Variants in C16orf74 observed in about 807,000 individuals in gnomAD.
C16orf74 encodes uncharacterized protein C16orf74.
C16orf74 carries 10 observed loss-of-function variants against 6.5 expected under a neutral mutation model. That is an observed-to-expected ratio of 1.54 (90% CI 0.95 to 2.61). The LOEUF (loss-of-function observed/expected upper bound fraction) is 2.61. Ranked by LOEUF, C16orf74 falls within the 30% of genes most tolerant of loss-of-function variation. The pLI is 0.00. For missense variants in C16orf74, 141 were observed against 105.9 expected, an observed-to-expected ratio of 1.33 and a Z score of -1.45; for synonymous variants, 60 against 42.5, an observed-to-expected ratio of 1.41 and a Z score of -1.60.
rs114353038 is a variant in C16orf74 at position 85,724,433 on chromosome 16, G to T, written c.28+10757C>A. ...TGGGTTGTGTTCCTGAGGCCCCTAG[G>T]GATCCAGCTCGGCCATACTCTGGCT... is the stretch of plus-strand genomic sequence containing the variant. On this transcript the variant is annotated intron_variant, in intron 2 of 3. Transcript: ENST00000284245. Among the ~76,000 whole-genome samples, 1,388 of 152,312 alleles carry T rather than the reference G, an allele frequency of 9.1e-3. 20 individuals are homozygous for T. Among genetic ancestry groups the T allele is most frequent in the African/African-American group, 0.032 (1,318 of 41,574 alleles).
chr16:85,721,043 A>T (rs963643261), intron 2 of C16orf74, among the ~76,000 whole-genome samples: 3 of 152,202 alleles, frequency 2.0e-5, no homozygotes, highest in Non-Finnish European at 4.4e-5. Flanking sequence ...GTGAACCAAG[A>T]TCGCGCCACT....
intron 2 of C16orf74, among the ~76,000 whole-genome samples, chr16:85,716,091 C>G (rs2054020776): frequency 6.6e-6 from 1 of 152,162 alleles, no homozygotes; most frequent in African/African-American, 2.4e-5. Flanking sequence ...TCTCCAAACC[C>G]CTTCCTCGGT....
At chr16:85,748,938 TTTTTTTTTTA>T (rs1597186082) in intron 1 of C16orf74, among the ~76,000 whole-genome samples, 2 of 115,044 alleles carry the variant, frequency 1.7e-5, no homozygotes, top group Non-Finnish European at 3.7e-5. Context: ...TTTTTTTTTT[TTTTTTTTTTA>T]TTTTATTTTT....
At chr16:85,729,565 C>T (rs1598796043) in intron 2 of C16orf74, among the ~76,000 whole-genome samples, 1 of 152,174 alleles carries the variant, frequency 6.6e-6, no homozygotes, top group East Asian at 1.9e-4. Flanking sequence ...AATAGTGTCC[C>T]CCAAATTCAC....
intron 2 of C16orf74, among the ~76,000 whole-genome samples, chr16:85,730,030 C>A (rs1436951580): frequency 6.6e-6 from 1 of 152,160 alleles, no homozygotes; most frequent in Non-Finnish European, 1.5e-5. Context: ...CGGGTGCCAT[C>A]GACACAAAGC....
At chr16:85,746,053 A>C (rs1249193778) in intron 1 of C16orf74, among the ~76,000 whole-genome samples, 3 of 152,176 alleles carry the variant, frequency 2.0e-5, no homozygotes, top group Non-Finnish European at 4.4e-5. Flanking sequence ...ATCTGCAGTT[A>C]AACTTAGCTG....
At chr16:85,740,036 C>T (rs1239416794) in intron 1 of C16orf74, among the ~76,000 whole-genome samples, 3 of 150,816 alleles carry the variant, frequency 2.0e-5, no homozygotes, top group Non-Finnish European at 4.4e-5. Flanking sequence ...ATGGTGAAAC[C>T]CCGTCTCTAC....
intron 1 of C16orf74, among the ~76,000 whole-genome samples, chr16:85,749,440 ACCC>A (rs1567816067): frequency 4.6e-5 from 7 of 151,630 alleles, no homozygotes; most frequent in Non-Finnish European, 8.8e-5. Context: ...TATGCACCAC[ACCC>A]AGCTCATTAA....
intron 1 of C16orf74, among the ~76,000 whole-genome samples, chr16:85,746,179 G>A (rs1314930765): frequency 2.0e-5 from 3 of 151,964 alleles, no homozygotes; most frequent in Admixed American, 6.6e-5. Flanking sequence ...ATGACACCCC[G>A]TCTCTACTAA....
intron 2 of C16orf74, among the ~76,000 whole-genome samples, chr16:85,724,709 G>A (rs111229947): frequency 1.9e-3 from 283 of 152,282 alleles, no homozygotes; most frequent in Non-Finnish European, 3.4e-3. Context: ...CAGCCACCCC[G>A]GCCGGCGGGA....
intron 2 of C16orf74, among the ~76,000 whole-genome samples, chr16:85,731,882 G>C (rs907813662): frequency 2.0e-5 from 3 of 152,164 alleles, no homozygotes; most frequent in African/African-American, 4.8e-5. Context: ...GTAGGGATGG[G>C]GTTTTGCAAT....
intron 2 of C16orf74, among the ~76,000 whole-genome samples, chr16:85,724,461 G>A (rs139965830): frequency 6.6e-6 from 1 of 152,234 alleles, no homozygotes; most frequent in Non-Finnish European, 1.5e-5. Flanking sequence ...CTCTGGCTGG[G>A]TGACCTCAGG....
intron 1 of C16orf74, among the ~76,000 whole-genome samples, chr16:85,737,184 G>C (rs562690952): frequency 5.9e-5 from 9 of 152,328 alleles, no homozygotes; most frequent in Admixed American, 2.6e-4. Context: ...CCTCCTGACA[G>C]AGAGGGAGGG....
chr16:85,732,223 C>G (rs182990633), intron 2 of C16orf74, among the ~76,000 whole-genome samples: 1 of 152,216 alleles, frequency 6.6e-6, no homozygotes. Flanking sequence ...CCTGCTCACA[C>G]CTGGATGTCA....
intron 2 of C16orf74, among the ~76,000 whole-genome samples, chr16:85,714,565 G>A (rs759131774): frequency 4.8e-4 from 73 of 151,796 alleles, no homozygotes; most frequent in African/African-American, 1.4e-3. Flanking sequence ...GATTACAGGC[G>A]CCTGCCACCA....
At chr16:85,711,396 C>T (rs1333479912) in intron 2 of C16orf74, among the ~76,000 whole-genome samples, 1 of 150,614 alleles carries the variant, frequency 6.6e-6, no homozygotes, top group Non-Finnish European at 1.5e-5. Context: ...GGGCAGATCA[C>T]CTAAGGTCAG....
intron 2 of C16orf74, among the ~76,000 whole-genome samples, chr16:85,717,900 C>T (rs996302815): frequency 2.6e-5 from 4 of 152,174 alleles, no homozygotes; most frequent in Non-Finnish European, 4.4e-5. Flanking sequence ...CAGGCAAGCC[C>T]GTGCCCGAGA....
At chr16:85,740,511 G>A (rs1567812356) in intron 1 of C16orf74, among the ~76,000 whole-genome samples, 1 of 151,858 alleles carries the variant, frequency 6.6e-6, no homozygotes, top group Non-Finnish European at 1.5e-5. Context: ...GACCATCCTG[G>A]CTATCACGGT....
chr16:85,718,061 C>T (rs2054042959), intron 2 of C16orf74, among the ~76,000 whole-genome samples: 3 of 152,314 alleles, frequency 2.0e-5, no homozygotes, highest in East Asian at 3.9e-4. Flanking sequence ...GGCTCACGTG[C>T]GCCCTCTACT....
Sources: gnomAD v4.1 joint callset for allele counts (sites outside exome capture counted in the v4.1 genomes callset) on GRCh38, gnomAD v4.1.1 for gene constraint, MANE v1.5 for transcripts, NCBI Gene and HGNC (gene_info 2026-07-23, HGNC 2026-07-21) for gene names.